The following SYCP1 variants were observed in gnomAD, a reference collection of about 807,000 sequenced individuals.
SYCP1 encodes synaptonemal complex protein 1, also known as cancer/testis antigen 8.
In SYCP1, 64 loss-of-function variants were observed where a neutral mutation model predicts 153.1. The ratio of observed to expected loss-of-function variants is 0.42; its 90% CI spans 0.34 to 0.51. The LOEUF (loss-of-function observed/expected upper bound fraction) is 0.51. Among genes scored for constraint, SYCP1 ranks in the 20% least tolerant of loss-of-function variants. The probability of loss-of-function intolerance (pLI) is 0.06; values close to 1 mark genes in which losing one functional copy is unlikely to be tolerated. For synonymous variants in SYCP1, 384 were observed against 341.8 expected, an observed-to-expected ratio of 1.12 and a Z score of -1.36; for missense variants, 997 against 1,049.0, an observed-to-expected ratio of 0.95 and a Z score of 0.68.
rs1570904423 is a variant in SYCP1 at position 114,977,733 on chromosome 1, C to T, written c.2382+117C>T. The T allele has an allele frequency of 2.4e-5, 15 of 628,234 alleles. No individual in the cohort carries two copies. The East Asian group carries it at 5.3e-4, about 22-fold the overall frequency. The allele number at this position is 628,234 out of a possible 1,614,324, so 38.9% of individuals were successfully genotyped here. A position where few individuals can be genotyped will look rare whatever the true frequency, so the allele number is the denominator to read the frequency against. On this transcript the variant is annotated intron_variant, in intron 28 of 31. Coordinates refer to ENST00000369522, the MANE Select transcript of SYCP1 (RefSeq NM_003176.4). ...ACATTTTACATATATCATACAATTT[C>T]ATTTTCTAAATTGTTTCTTGCTATT...
chr1:114,906,408 C>T (rs906379852), intron 16 of SYCP1, among the ~76,000 whole-genome samples: 6 of 151,900 alleles, frequency 3.9e-5, no homozygotes, highest in African/African-American at 1.5e-4. Flanking sequence ...TTCCTTCCTT[C>T]TGCTACTTTG....
Position 114,944,873 on chromosome 1 carries a change from T to G in SYCP1, c.2045T>G (p.Val682Gly), listed in dbSNP as rs1173614084. The G allele has an allele frequency of 6.3e-7, 1 of 1,578,246 alleles. No homozygotes were observed. The highest frequency in any genetic ancestry group is 1.2e-5 in the South Asian group (1 of 83,842). ...KISEENLLEEVEKAKVIADEA... is the reference protein window; with the variant it reads ...KISEENLLEEGEKAKVIADEA... ...TTTTTTTTTTTGCTTATTTGATAGG[T>G]TGAGAAAGCAAAAGTAATAGCTGAT... The change falls in exon 25 of 32, where the codon GTT becomes GGT. Residue 682 changes from valine (V) to glycine (G), a missense_variant and splice_region_variant. Coordinates refer to ENST00000369522, the MANE Select transcript of SYCP1 (RefSeq NM_003176.4).
chr1:114,917,071 G>A (rs1668553160), intron 20 of SYCP1, among the ~76,000 whole-genome samples: 1 of 151,382 alleles, frequency 6.6e-6, no homozygotes, highest in South Asian at 2.1e-4. Context: ...ACCTTGTTGT[G>A]CTATTAAATA....
chr1:114,959,513 T>C (rs1043409432), intron 27 of SYCP1, among the ~76,000 whole-genome samples: 1 of 152,198 alleles, frequency 6.6e-6, no homozygotes, highest in Non-Finnish European at 1.5e-5. Flanking sequence ...AAGCATACAT[T>C]GTGTAATAAT....
intron 12 of SYCP1, among the ~76,000 whole-genome samples, chr1:114,885,084 C>G (rs1464442500): frequency 6.6e-6 from 1 of 151,936 alleles, no homozygotes; most frequent in African/African-American, 2.4e-5. Context: ...AGATAAATTA[C>G]TTTTCATATT....
At chr1:114,921,822 A>G (rs1230581376) in intron 20 of SYCP1, among the ~76,000 whole-genome samples, 1 of 152,142 alleles carries the variant, frequency 6.6e-6, no homozygotes, top group African/African-American at 2.4e-5. Context: ...CTTGTAAGAC[A>G]GGTCTGGTGT....
chr1:114,949,346 C>T (rs1031180115), intron 27 of SYCP1, among the ~76,000 whole-genome samples: 3 of 152,180 alleles, frequency 2.0e-5, no homozygotes, highest in African/African-American at 7.2e-5. Flanking sequence ...TGGTCCAGTT[C>T]TTATCGGGAA....
At chr1:114,934,799 A>G (rs1669882823) in intron 23 of SYCP1, among the ~76,000 whole-genome samples, 1 of 152,196 alleles carries the variant, frequency 6.6e-6, no homozygotes, top group Admixed American at 6.5e-5. Context: ...CAAAGATCAA[A>G]AGAGACAAAG....
chr1:114,868,892 C>T (rs1263302198), intron 8 of SYCP1, among the ~76,000 whole-genome samples: 1 of 152,060 alleles, frequency 6.6e-6, no homozygotes, highest in African/African-American at 2.4e-5. Flanking sequence ...GTGATGTCTC[C>T]TTTTTCATTT....
intron 8 of SYCP1, among the ~76,000 whole-genome samples, chr1:114,862,431 C>T (rs1251708922): frequency 1.3e-5 from 2 of 151,696 alleles, no homozygotes; most frequent in Non-Finnish European, 2.9e-5. Flanking sequence ...TCACTGCAAC[C>T]TCCCACCCCT....
intron 28 of SYCP1, 170 bp downstream of exon 28, chr1:114,977,786 A>C (rs1672898805): frequency 2.3e-6 from 1 of 426,328 alleles, no homozygotes; most frequent in East Asian, 4.4e-5. Flanking sequence ...TTTAGCTAAA[A>C]ATTTCAAAAT....
intron 23 of SYCP1, among the ~76,000 whole-genome samples, chr1:114,935,948 G>A (rs1018345904): frequency 2.0e-5 from 3 of 152,094 alleles, no homozygotes; most frequent in African/African-American, 4.8e-5. Context: ...ACCAGACGGA[G>A]TCACAGCCGA....
At chr1:114,936,605 G>A (rs1435514563) in intron 23 of SYCP1, among the ~76,000 whole-genome samples, 4 of 152,176 alleles carry the variant, frequency 2.6e-5, no homozygotes, top group Non-Finnish European at 2.9e-5. Context: ...AAAAGAGGAA[G>A]TCTAATTGTC....
intron 23 of SYCP1, among the ~76,000 whole-genome samples, chr1:114,931,746 C>G (rs1484020464): frequency 6.6e-6 from 1 of 152,004 alleles, no homozygotes; most frequent in African/African-American, 2.4e-5. Context: ...ATGTGAACAT[C>G]AAAATACCCA....
intron 23 of SYCP1, among the ~76,000 whole-genome samples, chr1:114,934,406 G>A (rs1285010606): frequency 1.3e-5 from 2 of 152,126 alleles, no homozygotes; most frequent in Non-Finnish European, 2.9e-5. Flanking sequence ...GCTCATGAAG[G>A]AAGCACTAAA....
At chr1:114,936,037 CCCTAACTCAT>C (rs548454964) in intron 23 of SYCP1, among the ~76,000 whole-genome samples, 209 of 152,284 alleles carry the variant, frequency 1.4e-3, no homozygotes, top group African/African-American at 5.0e-3. Context: ...AGGGAATCCT[CCCTAACTCAT>C]TTTATGAGGC....
chr1:114,856,465 T>C, intron 2 of SYCP1, 108 bp from the exon 3 acceptor site: 3 of 660,590 alleles, frequency 4.5e-6, no homozygotes, highest in Non-Finnish European at 7.2e-6. Context: ...GGATTTGCAA[T>C]TATAGTAACC....
intron 27 of SYCP1, among the ~76,000 whole-genome samples, chr1:114,976,663 G>A (rs778653299): frequency 6.6e-6 from 1 of 151,718 alleles, no homozygotes; most frequent in Non-Finnish European, 1.5e-5. Flanking sequence ...GCCCCTTAGA[G>A]TAGACTCCAA....
At chr1:114,930,639 A>T (rs1180439304) in intron 23 of SYCP1, among the ~76,000 whole-genome samples, 1 of 151,974 alleles carries the variant, frequency 6.6e-6, no homozygotes, top group Non-Finnish European at 1.5e-5. Flanking sequence ...AGAAAAATCC[A>T]GATCTGGATG....
Sources: gnomAD v4.1 joint callset for allele counts (sites outside exome capture counted in the v4.1 genomes callset) on GRCh38, gnomAD v4.1.1 for gene constraint, MANE v1.5 for transcripts, NCBI Gene and HGNC (gene_info 2026-07-23, HGNC 2026-07-21) for gene names.